SGCZ: variants seen among roughly 807,000 people sequenced by gnomAD.
SGCZ encodes zeta-sarcoglycan.
Under a neutral mutation model 41.3 loss-of-function variants are expected in SGCZ, and 40 were observed. The observed-to-expected ratio is 0.97, with a 90% CI of 0.75 to 1.26. The LOEUF (loss-of-function observed/expected upper bound fraction) is 1.26. SGCZ is among the 50% of genes most tolerant of loss of function. The probability of loss-of-function intolerance (pLI) is 0.00; values close to 1 mark genes in which losing one functional copy is unlikely to be tolerated. For synonymous variants in SGCZ, 206 were observed against 137.5 expected (o/e 1.50, Z -3.49); for missense variants, 552 against 369.8 (o/e 1.49, Z -4.04).
chr8:14,623,069 C>T (rs1043731224), intron 1 of SGCZ, among the ~76,000 whole-genome samples: 15 of 152,152 alleles, frequency 9.9e-5, no homozygotes, highest in African/African-American at 3.1e-4. Context: ...AAACAAGCAC[C>T]ACCCTCATGG....
intron 1 of SGCZ, among the ~76,000 whole-genome samples, chr8:14,752,773 T>G (rs569208535): frequency 1.3e-5 from 2 of 152,284 alleles, no homozygotes; most frequent in South Asian, 4.1e-4. Context: ...ACATGATAGA[T>G]TAGCTGAACC....
At chr8:14,970,444 TA>T (rs2130863576) in intron 1 of SGCZ, among the ~76,000 whole-genome samples, 1 of 152,290 alleles carries the variant, frequency 6.6e-6, no homozygotes, top group South Asian at 2.1e-4. Context: ...CTAAAAGTTT[TA>T]TAATTTTAGA....
chr8:14,470,918 A>G (rs185759791), intron 2 of SGCZ, among the ~76,000 whole-genome samples: 1 of 152,270 alleles, frequency 6.6e-6, no homozygotes, highest in African/African-American at 2.4e-5. Context: ...TTACTTGCTT[A>G]TCAGATCTTT....
At chr8:14,363,258 T>C (rs1803590998) in intron 2 of SGCZ, among the ~76,000 whole-genome samples, 1 of 152,220 alleles carries the variant, frequency 6.6e-6, no homozygotes, top group African/African-American at 2.4e-5. Flanking sequence ...TTTTCTGTCA[T>C]TCCTTATTCA....
intron 1 of SGCZ, among the ~76,000 whole-genome samples, chr8:15,182,054 G>A (rs1002404130): frequency 6.6e-6 from 1 of 152,048 alleles, no homozygotes; most frequent in Non-Finnish European, 1.5e-5. Flanking sequence ...AAAAAATAGA[G>A]GAAACCATTT....
intron 4 of SGCZ, among the ~76,000 whole-genome samples, chr8:14,220,680 G>A (rs780146053): frequency 2.6e-5 from 4 of 152,024 alleles, no homozygotes; most frequent in Admixed American, 1.3e-4. Flanking sequence ...CCAGCTACTC[G>A]GGAGGCTGAG....
At chr8:15,068,361 T>A (rs560202138) in intron 1 of SGCZ, among the ~76,000 whole-genome samples, 1 of 152,330 alleles carries the variant, frequency 6.6e-6, no homozygotes, top group East Asian at 1.9e-4. Context: ...AACCCACTGG[T>A]AAGCATTTAG....
At chr8:14,264,042 T>A (rs1403327943) in intron 3 of SGCZ, among the ~76,000 whole-genome samples, 1 of 152,170 alleles carries the variant, frequency 6.6e-6, no homozygotes, top group East Asian at 1.9e-4. Context: ...AAAGGCAACC[T>A]ACAGCCCCAG....
At chr8:14,770,839 T>C (rs958496984) in intron 1 of SGCZ, among the ~76,000 whole-genome samples, 8 of 152,088 alleles carry the variant, frequency 5.3e-5, no homozygotes, top group South Asian at 2.1e-4. Context: ...AATAAGTACA[T>C]GCCTGATGTA....
chr8:14,529,270 C>T (rs747298974), intron 2 of SGCZ, among the ~76,000 whole-genome samples: 1 of 152,124 alleles, frequency 6.6e-6, no homozygotes, highest in Non-Finnish European at 1.5e-5. Context: ...GTAAGACACA[C>T]CTGGGGAAAG....
chr8:15,131,373 G>A (rs1475390121), intron 1 of SGCZ, among the ~76,000 whole-genome samples: 3 of 152,134 alleles, frequency 2.0e-5, no homozygotes, highest in Non-Finnish European at 4.4e-5. Flanking sequence ...TGTGAGACAT[G>A]CCTTTCACTT....
chr8:14,425,944 A>T (rs943558890), intron 2 of SGCZ, among the ~76,000 whole-genome samples: 3 of 152,218 alleles, frequency 2.0e-5, no homozygotes, highest in Non-Finnish European at 2.9e-5. Context: ...TAAAGAAGTC[A>T]AATGAATCCA....
At chr8:14,860,415 G>A (rs997756167) in intron 1 of SGCZ, among the ~76,000 whole-genome samples, 5 of 151,226 alleles carry the variant, frequency 3.3e-5, no homozygotes, top group Non-Finnish European at 5.9e-5. Flanking sequence ...GACAGGAAGT[G>A]AGAAAAATGG....
intron 1 of SGCZ, among the ~76,000 whole-genome samples, chr8:15,063,034 A>G (rs555135762): frequency 6.6e-6 from 1 of 152,280 alleles, no homozygotes; most frequent in African/African-American, 2.4e-5. Flanking sequence ...CATTTAATAT[A>G]TTTCCCATAT....
chr8:14,858,072 G>A (rs1182734804), intron 1 of SGCZ, among the ~76,000 whole-genome samples: 1 of 152,056 alleles, frequency 6.6e-6, no homozygotes, highest in African/African-American at 2.4e-5. Context: ...TGTTATAAAA[G>A]AAGCTAAACC....
chr8:15,018,864 A>C (rs1167945176), intron 1 of SGCZ, among the ~76,000 whole-genome samples: 2 of 152,174 alleles, frequency 1.3e-5, no homozygotes, highest in Non-Finnish European at 2.9e-5. Context: ...AGATCTCAGG[A>C]AACTTACAAT....
intron 1 of SGCZ, among the ~76,000 whole-genome samples, chr8:14,772,805 A>T (rs1485484718): frequency 6.6e-6 from 1 of 152,034 alleles, no homozygotes; most frequent in Non-Finnish European, 1.5e-5. Flanking sequence ...TATGTGCCAC[A>T]TTTCCTTAAT....
At chr8:15,155,957 C>T (rs1314101662) in intron 1 of SGCZ, among the ~76,000 whole-genome samples, 1 of 150,128 alleles carries the variant, frequency 6.7e-6, no homozygotes, top group African/African-American at 2.5e-5. Context: ...ACTCGAGAGG[C>T]CGAAGCAGGA....
At chr8:14,687,288 C>T (rs1808643581) in intron 1 of SGCZ, among the ~76,000 whole-genome samples, 1 of 151,044 alleles carries the variant, frequency 6.6e-6, no homozygotes, top group Admixed American at 6.6e-5. Context: ...TGGTGTGCTG[C>T]ACCCATTAAC....
Sources: gnomAD v4.1 joint callset for allele counts (sites outside exome capture counted in the v4.1 genomes callset) on GRCh38, gnomAD v4.1.1 for gene constraint, MANE v1.5 for transcripts, NCBI Gene and HGNC (gene_info 2026-07-23, HGNC 2026-07-21) for gene names.